ZNF544: variants seen among roughly 807,000 people sequenced by gnomAD.
ZNF544 encodes zinc finger protein AF020591.
In ZNF544, 10 loss-of-function variants were observed where a neutral mutation model predicts 13.5. The ratio of observed to expected loss-of-function variants is 0.74; its 90% CI spans 0.46 to 1.25. ZNF544 has a LOEUF of 1.25. Ranked by LOEUF, ZNF544 falls within the 50% of genes most tolerant of loss-of-function variation. The probability of loss-of-function intolerance (pLI) is 0.00; values close to 1 mark genes in which losing one functional copy is unlikely to be tolerated. For synonymous variants in ZNF544, 323 were observed against 300.5 expected (o/e 1.07, Z -0.77); for missense variants, 896 against 845.6 (o/e 1.06, Z -0.74).
At chr19:58,260,807 T>G in intron 6 of ZNF544, 44 bp from the exon 7 acceptor site, 4 of 1,245,940 alleles carry the variant, frequency 3.2e-6, no homozygotes, top group Non-Finnish European at 4.3e-6. Context: ...CCCCTCCCCC[T>G]CTGATGCTTC....
rs1176751805 is a variant in ZNF544, at chr19:58,262,417, A to G, written c.1811A>G (p.Tyr604Cys). ...AGAACTCACACTGGAGAAAAGCCCT[A>G]TGAATGTAACGAGTGTGGAAAAGCC... ...HKRTHTGEKPYECNECGKAFN... is the reference protein window; with the variant it reads ...HKRTHTGEKPCECNECGKAFN... The change falls in exon 7 of 7, where the codon TAT (tyrosine) becomes TGT (cysteine). Residue 604 changes from tyrosine (Y) to cysteine (C), a missense_variant. Coordinates refer to ENST00000687789, the MANE Select transcript of ZNF544 (RefSeq NM_014480.4). The G allele has an allele frequency of 1.9e-6, 3 of 1,614,198 alleles. No homozygotes were observed. Among genetic ancestry groups the G allele is most frequent in the East Asian group, 2.2e-5 (1 of 44,892 alleles).
At chr19:58,252,053 C>G (rs1318202031) in intron 6 of ZNF544, among the ~76,000 whole-genome samples, 4 of 152,086 alleles carry the variant, frequency 2.6e-5, no homozygotes. Flanking sequence ...ACACTTCAAC[C>G]CAGCCAATAA....
At chr19:58,247,941 G>A (rs1337736159) in intron 6 of ZNF544, among the ~76,000 whole-genome samples, 1 of 150,796 alleles carries the variant, frequency 6.6e-6, no homozygotes, top group African/African-American at 2.4e-5. Context: ...CCCAGACAGA[G>A]TCTCACTCTG....
At chr19:58,242,696 GT>G (rs1306934964) in intron 3 of ZNF544, among the ~76,000 whole-genome samples, 1 of 151,486 alleles carries the variant, frequency 6.6e-6, no homozygotes, top group Non-Finnish European at 1.5e-5. Context: ...TGTTTTCTTT[GT>G]TTTGTTTTGT....
Position 58,262,696 on chromosome 19 carries a change from T to G in ZNF544, c.2090T>G (p.Phe697Cys). Reference protein sequence around the residue: ...PYECSDCGKSFRQQSQLVVHR... With the variant: ...PYECSDCGKSCRQQSQLVVHR... ...GAATGTAGTGACTGTGGGAAATCCT[T>G]CCGGCAGCAATCTCAACTTGTAGTG... Residue 697 changes from phenylalanine (F) to cysteine (C), a missense_variant, in exon 7 of 7, where the codon TTC (phenylalanine) becomes TGC (cysteine). Transcript: ENST00000687789. The G allele has an allele frequency of 6.2e-7, 1 of 1,612,262 alleles. No individual in the cohort carries two copies.
intron 3 of ZNF544, among the ~76,000 whole-genome samples, chr19:58,242,524 T>G (rs1370882744): frequency 6.6e-6 from 1 of 151,908 alleles, no homozygotes; most frequent in African/African-American, 2.4e-5. Context: ...TTTCGCTTTT[T>G]TTTTTTTGAG....
chr19:58,261,533 G>C lies in ZNF544; in HGVS notation c.927G>C (p.Glu309Asp). The change falls in exon 7 of 7, where the codon GAG (glutamate) becomes GAC (aspartate). Residue 309 changes from glutamate (E) to aspartate (D), a missense_variant. Physicochemically the swap from Glu to Asp is conservative, Grantham distance 45 (BLOSUM62 2). Transcript: ENST00000687789. ...ATGAGTGCAGGGAAACCTGTTCTGAGAGTCTGTGCCTTGTACAAACAGAAA... is the reference window on the plus strand; with the variant it reads ...ATGAGTGCAGGGAAACCTGTTCTGACAGTCTGTGCCTTGTACAAACAGAAA... ...ECDECRETCS[E>D]SLCLVQTERS... The C allele has an allele frequency of 6.2e-7, 1 of 1,614,214 alleles. No homozygotes were observed. Among genetic ancestry groups the C allele is most frequent in the Non-Finnish European group, 8.5e-7 (1 of 1,180,034 alleles).
At chr19:58,266,002 C>A (rs550529747), downstream of ZNF544, among the ~76,000 whole-genome samples, 5 of 151,568 alleles carry the variant, frequency 3.3e-5, no homozygotes, top group Admixed American at 6.6e-5. Flanking sequence ...GTTAGGAGTT[C>A]GAGACCAGCC....
At chr19:58,270,983 G>A (rs1434866525) in intron 5 of ZNF544, among the ~76,000 whole-genome samples, 2 of 151,788 alleles carry the variant, frequency 1.3e-5, no homozygotes, top group Non-Finnish European at 2.9e-5. Context: ...AGGCTGAGGT[G>A]GGTGGATCAC....
In ZNF544 at chr19:58,246,366, G is replaced by A. The variant is rs779346259; in HGVS notation, c.99G>A (p.Leu33=). 2 of 1,614,112 alleles carry A rather than the reference G, an allele frequency of 1.2e-6. No individual in the cohort carries two copies. Among genetic ancestry groups the A allele is most frequent in the Admixed American group, 1.7e-5 (1 of 60,016 alleles). ...FTQEEWEQLD[L]AQRTLYREVT... is the part of the protein sequence containing the mutation. ...AGGAGGAGTGGGAACAGCTGGACCT[G>A]GCCCAGAGGACACTGTACCGAGAGG... is the stretch of plus-strand genomic sequence containing the variant. Residue 33 remains leucine (L), a synonymous_variant, in exon 5 of 7, where the codon CTG becomes CTA. Transcript: ENST00000687789.
At position 58,262,940 on chromosome 19, in the gene ZNF544, A is replaced by G. The variant is rs552977935; in HGVS notation, c.*186A>G. On this transcript the variant is annotated 3_prime_UTR_variant, in exon 7 of 7. Coordinates refer to ENST00000687789, the MANE Select transcript of ZNF544 (RefSeq NM_014480.4). ...ATGCATTGATTGTGGGAAAGCCTTC[A>G]ATGATCGCTCAACCCTTAGTAAACA... The G allele has an allele frequency of 4.7e-5, 67 of 1,427,944 alleles. No individual in the cohort carries two copies. The East Asian group carries it at 1.7e-3, about 36-fold the overall frequency. 88.5% of individuals were successfully genotyped at this position (1,427,944 alleles called of 1,614,324 possible). A position where few individuals can be genotyped will look rare whatever the true frequency, so the allele number is the denominator to read the frequency against.
rs1600297308 is a variant in ZNF544 at position 58,248,004 on chromosome 19, C to G, written c.244+1210C>G. On this transcript the variant is annotated intron_variant, in intron 6 of 6. Coordinates refer to ENST00000687789, the MANE Select transcript of ZNF544 (RefSeq NM_014480.4). ...TCTCAGCTCACTGCAACCTCCGCCC[C>G]CCAGGTTCAAGTGATTTTCCTGCCT... Among the ~76,000 whole-genome samples, 3 of 152,124 alleles carry G rather than the reference C, an allele frequency of 2.0e-5. No homozygotes were observed. The East Asian group carries it at 5.8e-4, about 29-fold the overall frequency.
intron 6 of ZNF544, 56 bp from the exon 7 acceptor site, chr19:58,260,795 T>TCC (rs2048757879): frequency 7.3e-7 from 1 of 1,366,714 alleles, no homozygotes; most frequent in African/African-American, 1.5e-5. Flanking sequence ...CATCTCCCCC[T>TCC]CCCCCTCCCC....
chr19:58,249,717 C>G (rs181471398), intron 6 of ZNF544, among the ~76,000 whole-genome samples: 1 of 152,264 alleles, frequency 6.6e-6, no homozygotes, highest in Admixed American at 6.5e-5. Flanking sequence ...CCTAAGCCCC[C>G]CTTTACAGCA....
chr19:58,249,791 C>T (rs1457740534), intron 6 of ZNF544, among the ~76,000 whole-genome samples: 3 of 152,138 alleles, frequency 2.0e-5, no homozygotes, highest in African/African-American at 4.8e-5. Flanking sequence ...TATTTGATTT[C>T]GTATGGTGAT....
At chr19:58,273,095 C>T (rs888746189) in intron 5 of ZNF544, among the ~76,000 whole-genome samples, 24 of 150,012 alleles carry the variant, frequency 1.6e-4, no homozygotes, top group Non-Finnish European at 2.7e-4. Flanking sequence ...GCAGGAGAAT[C>T]GCTTGAACCC....
downstream of ZNF544, chr19:58,266,510 G>C (rs376744983): frequency 2.7e-5 from 3 of 110,432 alleles, no homozygotes; most frequent in Admixed American, 9.8e-5. Flanking sequence ...GTGAGACTCG[G>C]TCTCAAAAAA....
chr19:58,229,620 CAG>C (rs2040764642), intron 2 of ZNF544, 50 bp downstream of exon 2: 2 of 152,328 alleles, frequency 1.3e-5, no homozygotes, highest in African/African-American at 4.8e-5. Flanking sequence ...TCCAAGTGAA[CAG>C]AAGATTAAGG....
rs760805288 is a variant in ZNF544, at chr19:58,262,734, C to T, written c.2128C>T (p.His710Tyr). 2 of 1,601,858 alleles carry T rather than the reference C, an allele frequency of 1.2e-6. No homozygotes were observed. The highest frequency in any genetic ancestry group is 1.7e-6 in the Non-Finnish European group (2 of 1,172,330). ...TCAACTTGTAGTGCATCGGCGGACACATACTGGAGAGAAACCTTAGGAGTG... is the reference window on the plus strand; with the variant it reads ...TCAACTTGTAGTGCATCGGCGGACATATACTGGAGAGAAACCTTAGGAGTG... ...QSQLVVHRRT[H>Y]TGEKP Residue 710 changes from histidine to tyrosine, a missense_variant, in exon 7 of 7, where the codon CAT becomes TAT. By Grantham distance (83) the His-to-Tyr change is moderately conservative. Coordinates refer to ENST00000687789, the MANE Select transcript of ZNF544 (RefSeq NM_014480.4).
Sources: allele counts gnomAD v4.1 joint callset (sites outside exome capture counted in the v4.1 genomes callset), GRCh38; gene constraint gnomAD v4.1.1; transcripts MANE v1.5; gene names NCBI Gene and HGNC (gene_info 2026-07-23, HGNC 2026-07-21).